Variants in TMOD1 observed in about 807,000 individuals in gnomAD.
The protein encoded by TMOD1 is tropomodulin 1, also known as tropomodulin-1.
In TMOD1, 17 loss-of-function variants were observed where a neutral mutation model predicts 40.6. That is an observed-to-expected ratio of 0.42 (90% CI 0.29 to 0.63). The LOEUF is 0.63. TMOD1 is among the 20% of genes least tolerant of loss of function. The probability of loss-of-function intolerance (pLI) is 0.22; values close to 1 mark genes in which losing one functional copy is unlikely to be tolerated. For missense variants in TMOD1, 391 were observed against 447.6 expected (o/e 0.87, Z 1.14); for synonymous variants, 181 against 175.0 (o/e 1.03, Z -0.27).
chr9:97,512,590 T>C (rs996548293), intron 1 of TMOD1: 1 of 151,104 alleles, frequency 6.6e-6, no homozygotes, highest in Non-Finnish European at 1.5e-5. Flanking sequence ...AACAAACTGT[T>C]ACTACACACA....
chr9:97,540,744 G>A (rs1830264894), intron 2 of TMOD1, among the ~76,000 whole-genome samples: 1 of 152,068 alleles, frequency 6.6e-6, no homozygotes, highest in African/African-American at 2.4e-5. Flanking sequence ...TCAATTGTAT[G>A]GGTATACCAC....
chr9:97,544,373 TA>T (rs962761742), intron 2 of TMOD1, among the ~76,000 whole-genome samples: 10 of 151,970 alleles, frequency 6.6e-5, no homozygotes, highest in Non-Finnish European at 1.5e-4. Context: ...CTGTCTTTAC[TA>T]AAAATACAAA....
At chr9:97,529,445 G>A (rs1359495160) in intron 2 of TMOD1, among the ~76,000 whole-genome samples, 1 of 151,772 alleles carries the variant, frequency 6.6e-6, no homozygotes, top group Non-Finnish European at 1.5e-5. Flanking sequence ...TTATGCAATT[G>A]TTAAGCCCCA....
intron 9 of TMOD1, among the ~76,000 whole-genome samples, chr9:97,598,038 T>C (rs1436545370): frequency 6.6e-6 from 1 of 152,056 alleles, no homozygotes; most frequent in African/African-American, 2.4e-5. Context: ...GTCAAAAGTC[T>C]TGGTTCTAGC....
intron 2 of TMOD1, among the ~76,000 whole-genome samples, chr9:97,525,273 C>T (rs1312189424): frequency 2.0e-5 from 3 of 152,112 alleles, no homozygotes; most frequent in African/African-American, 7.2e-5. Flanking sequence ...TTATACAAAG[C>T]CAATACACCA....
chr9:97,562,353 G>T (rs1021544204), intron 4 of TMOD1, among the ~76,000 whole-genome samples: 1 of 152,184 alleles, frequency 6.6e-6, no homozygotes, highest in South Asian at 2.1e-4. Context: ...ATGGTCAAAT[G>T]GGCTTATGGG....
At chr9:97,559,794 A>AAAAAAAATATATAT (rs1390791825) in intron 4 of TMOD1, among the ~76,000 whole-genome samples, 1 of 23,178 alleles carries the variant, frequency 4.3e-5, no homozygotes, top group South Asian at 3.2e-3. Flanking sequence ...AAAAAAAAAA[A>AAAAAAAATATATAT]ATATATATAT....
chr9:97,552,647 A>G (rs1427748938), intron 3 of TMOD1, among the ~76,000 whole-genome samples: 3 of 152,186 alleles, frequency 2.0e-5, no homozygotes, highest in South Asian at 2.1e-4. Context: ...TTTTCACACA[A>G]CATTTGTCCT....
intron 3 of TMOD1, among the ~76,000 whole-genome samples, chr9:97,548,677 G>A (rs1830403334): frequency 6.6e-6 from 1 of 152,108 alleles, no homozygotes; most frequent in Non-Finnish European, 1.5e-5. Context: ...GCAGAGCTGG[G>A]GAAAGCTCTC....
At chr9:97,515,060 G>A (rs1026710666) in intron 1 of TMOD1, among the ~76,000 whole-genome samples, 1 of 152,094 alleles carries the variant, frequency 6.6e-6, no homozygotes, top group Non-Finnish European at 1.5e-5. Flanking sequence ...TGACAGTCTG[G>A]GCATGGTGGT....
intron 9 of TMOD1, among the ~76,000 whole-genome samples, chr9:97,592,072 A>AG (rs397973225): frequency 6.6e-6 from 1 of 151,932 alleles, no homozygotes; most frequent in African/African-American, 2.4e-5. Flanking sequence ...TTTTTTGATA[A>AG]TGAACACTTA....
chr9:97,537,918 A>G (rs749057265), intron 2 of TMOD1, among the ~76,000 whole-genome samples: 54 of 152,232 alleles, frequency 3.5e-4, no homozygotes, highest in Non-Finnish European at 6.3e-4. Flanking sequence ...CAGATGTGGC[A>G]TAATGGCAGT....
rs371182903 is a variant in TMOD1 at position 97,535,546 on chromosome 9, TC to T, written c.121-10635del. Reference sequence around the variant, plus strand: ...TGACCACACCACTGAGATGTGTATCTCCCCTGTGGCTGTGAGCCCCTCTGGG... The same window carrying T: ...TGACCACACCACTGAGATGTGTATCTCCCTGTGGCTGTGAGCCCCTCTGGG... On this transcript the variant is annotated intron_variant, in intron 2 of 9. Transcript: ENST00000259365. 7.4e-4 allele frequency among the ~76,000 whole-genome samples: 113 copies of T among 152,236 alleles called. 2 individuals are homozygous for T. The South Asian group carries it at 0.023, about 31-fold the overall frequency.
intron 8 of TMOD1, among the ~76,000 whole-genome samples, chr9:97,570,726 T>C (rs142438839): frequency 6.6e-6 from 1 of 152,284 alleles, no homozygotes; most frequent in African/African-American, 2.4e-5. Context: ...ACCTGGCCCT[T>C]CAGGAGTGCC....
intron 8 of TMOD1, among the ~76,000 whole-genome samples, chr9:97,574,238 C>CCAGGGCTGTGCG (rs1830873988): frequency 2.0e-5 from 3 of 152,008 alleles, no homozygotes; most frequent in Non-Finnish European, 4.4e-5. Flanking sequence ...CCGGCGGGAA[C>CCAGGGCTGTGCG]CAGGGCTGTG....
intron 9 of TMOD1, among the ~76,000 whole-genome samples, chr9:97,599,423 G>C (rs939369438): frequency 3.3e-5 from 5 of 152,166 alleles, no homozygotes; most frequent in Non-Finnish European, 4.4e-5. Context: ...ATCTATGAAT[G>C]AATCTCCACT....
intron 7 of TMOD1, 113 bp from the exon 8 acceptor site, chr9:97,568,781 C>A: frequency 7.9e-7 from 1 of 1,262,202 alleles, no homozygotes; most frequent in Non-Finnish European, 1.1e-6. Context: ...TGGTGAAGGA[C>A]ATGGTGGAGA....
chr9:97,596,879 C>T (rs1353864020), intron 9 of TMOD1, among the ~76,000 whole-genome samples: 1 of 152,254 alleles, frequency 6.6e-6, no homozygotes, highest in Non-Finnish European at 1.5e-5. Context: ...TTATGCCTCT[C>T]ATACCTCAGA....
chr9:97,535,399 A>G (rs1375570568), intron 2 of TMOD1, among the ~76,000 whole-genome samples: 1 of 152,062 alleles, frequency 6.6e-6, no homozygotes, highest in Non-Finnish European at 1.5e-5. Flanking sequence ...CCTCTGCTGC[A>G]CTGTGCTTTC....
Sources: gnomAD v4.1 joint callset for allele counts (sites outside exome capture counted in the v4.1 genomes callset) on GRCh38, gnomAD v4.1.1 for gene constraint, MANE v1.5 for transcripts, NCBI Gene and HGNC (gene_info 2026-07-23, HGNC 2026-07-21) for gene names.